The following SH3GL3 variants were observed in gnomAD, a reference collection of about 807,000 sequenced individuals.
SH3GL3 encodes the protein endophilin-A3.
SH3GL3 carries 33 observed loss-of-function variants against 47.7 expected under a neutral mutation model. The ratio of observed to expected loss-of-function variants is 0.69; its 90% CI spans 0.52 to 0.92. SH3GL3 has a LOEUF of 0.92. SH3GL3 is among the 40% of genes least tolerant of loss of function. The pLI, the probability that SH3GL3 is intolerant of heterozygous loss-of-function variation, is 0.00. For missense variants in SH3GL3, 363 were observed against 417.8 expected, an observed-to-expected ratio of 0.87 and a Z score of 1.14; for synonymous variants, 155 against 148.8, an observed-to-expected ratio of 1.04 and a Z score of -0.30.
intron 1 of SH3GL3, among the ~76,000 whole-genome samples, chr15:83,523,408 GGT>G (rs1195750251): frequency 6.6e-6 from 1 of 152,146 alleles, no homozygotes; most frequent in Non-Finnish European, 1.5e-5. Flanking sequence ...GCCCGGGAAG[GGT>G]GTGTGGAGTA....
chr15:83,594,468 T>G (rs2060189971), intron 8 of SH3GL3, among the ~76,000 whole-genome samples: 1 of 152,220 alleles, frequency 6.6e-6, no homozygotes, highest in Non-Finnish European at 1.5e-5. Context: ...CACATTTACT[T>G]TATATAATGA....
intron 1 of SH3GL3, among the ~76,000 whole-genome samples, chr15:83,508,824 G>A (rs112944092): frequency 1.1e-4 from 16 of 152,290 alleles, no homozygotes; most frequent in African/African-American, 3.9e-4. Context: ...TTGATCTCCT[G>A]ACCTCGTGAT....
intron 1 of SH3GL3, among the ~76,000 whole-genome samples, chr15:83,553,296 A>G (rs943537986): frequency 7.9e-5 from 12 of 152,004 alleles, no homozygotes; most frequent in Non-Finnish European, 4.4e-5. Context: ...CCTAGTATGT[A>G]CATTTTGTCT....
At chr15:83,518,358 G>A (rs1431706408) in intron 1 of SH3GL3, among the ~76,000 whole-genome samples, 1 of 152,194 alleles carries the variant, frequency 6.6e-6, no homozygotes, top group Non-Finnish European at 1.5e-5. Context: ...CCCACTAACA[G>A]TGCATAAGTG....
chr15:83,624,466 AAAC>A, the SH3GL3 span, among the ~76,000 whole-genome samples: 2 of 152,348 alleles, frequency 1.3e-5, no homozygotes, highest in East Asian at 1.9e-4. Flanking sequence ...TTCATATGAG[AAAC>A]AACAAGAGAC....
intron 1 of SH3GL3, among the ~76,000 whole-genome samples, chr15:83,506,876 G>T (rs187767775): frequency 6.6e-6 from 1 of 152,120 alleles, no homozygotes; most frequent in East Asian, 1.9e-4. Context: ...GTGGCTGAAG[G>T]CTGGGGAGCA....
chr15:83,568,276 G>A (rs1160843439), intron 3 of SH3GL3, among the ~76,000 whole-genome samples: 5 of 152,044 alleles, frequency 3.3e-5, no homozygotes, highest in East Asian at 1.9e-4. Flanking sequence ...GAGCCACTGC[G>A]CCCAGCCGAT....
At chr15:83,586,548 T>A (rs767400304) in intron 6 of SH3GL3, among the ~76,000 whole-genome samples, 1 of 152,254 alleles carries the variant, frequency 6.6e-6, no homozygotes, top group Non-Finnish European at 1.5e-5. Flanking sequence ...AACTGTTTAA[T>A]GTACTTAATG....
At chr15:83,626,909 A>G in the SH3GL3 span, among the ~76,000 whole-genome samples, 1 of 152,124 alleles carries the variant, frequency 6.6e-6, no homozygotes, top group African/African-American at 2.4e-5. Context: ...CAATTAGGGT[A>G]TTTTTCTCCT....
At chr15:83,539,308 A>G (rs77323288) in intron 1 of SH3GL3, among the ~76,000 whole-genome samples, 73 of 152,286 alleles carry the variant, frequency 4.8e-4, no homozygotes, top group African/African-American at 1.6e-3. Context: ...TGGTTCACAG[A>G]TGGCAGTCTT....
At chr15:83,595,935 G>A (rs1008711956) in intron 8 of SH3GL3, among the ~76,000 whole-genome samples, 1 of 151,958 alleles carries the variant, frequency 6.6e-6, no homozygotes, top group African/African-American at 2.4e-5. Flanking sequence ...ATCTTAAAGA[G>A]CCAGCTCTCT....
At chr15:83,604,268 A>T (rs1389516003) in intron 8 of SH3GL3, among the ~76,000 whole-genome samples, 1 of 152,078 alleles carries the variant, frequency 6.6e-6, no homozygotes, top group Non-Finnish European at 1.5e-5. Flanking sequence ...AGAACCCAGG[A>T]CCCCAGGGCT....
At chr15:83,617,224 G>A (rs1468705135) in intron 8 of SH3GL3, among the ~76,000 whole-genome samples, 2 of 152,088 alleles carry the variant, frequency 1.3e-5, no homozygotes, top group South Asian at 4.1e-4. Flanking sequence ...GTAAATTCTG[G>A]TCTGTAAATA....
At chr15:83,489,273 G>A (rs78922661) in intron 1 of SH3GL3, 49 of 152,258 alleles carry the variant, frequency 3.2e-4, no homozygotes, top group African/African-American at 8.7e-4. Flanking sequence ...ATACCTACAC[G>A]TGAAGAAAAC....
intron 3 of SH3GL3, among the ~76,000 whole-genome samples, chr15:83,567,761 G>A (rs1209630045): frequency 6.6e-6 from 1 of 152,128 alleles, no homozygotes; most frequent in East Asian, 1.9e-4. Context: ...TTGGTTGTTT[G>A]AAATATCCTC....
Position 83,599,708 on chromosome 15 carries a change from C to A in SH3GL3, c.838+10937C>A, listed in dbSNP as rs1013124845. The stretch of plus-strand genomic sequence containing the variant: ...ACTTCTTTTTCCTCTGGGTAGATAC[C>A]CAGTAGTGGGATTGCTGGATCAATG... On this transcript the variant is annotated intron_variant, in intron 8 of 8. Coordinates refer to ENST00000427482, the MANE Select transcript of SH3GL3 (RefSeq NM_003027.5). 2.6e-5 allele frequency among the ~76,000 whole-genome samples: 4 copies of A among 152,196 alleles called. No individual in the cohort carries two copies. In the South Asian group the frequency reaches 8.3e-4, roughly 32 times the overall value.
At chr15:83,458,899 T>C (rs2040133035) in intron 1 of SH3GL3, among the ~76,000 whole-genome samples, 1 of 152,216 alleles carries the variant, frequency 6.6e-6, no homozygotes, top group South Asian at 2.1e-4. Flanking sequence ...AGGGAGTTTA[T>C]TAAGGAGTAT....
Position 83,448,763 on chromosome 15 carries a change from G to A in SH3GL3, c.45+1185G>A, listed in dbSNP as rs547293673. On this transcript the variant is annotated intron_variant, in intron 1 of 8. Transcript: ENST00000427482. The surrounding 1 kb of genome is among the most constrained non-coding windows in gnomAD (Gnocchi z 4.2). Reference sequence around the variant, plus strand: ...CTTCTTCTAGCCCCAGTTCCAGGCTGAAAGGCACTGCTGTCCCCTCACTCA... The same window carrying A: ...CTTCTTCTAGCCCCAGTTCCAGGCTAAAAGGCACTGCTGTCCCCTCACTCA... Among the ~76,000 whole-genome samples the A allele has an allele frequency of 9.2e-5, 14 of 152,198 alleles. No homozygotes were observed. Among genetic ancestry groups the A allele is most frequent in the African/African-American group, 3.4e-4 (14 of 41,522 alleles).
intron 8 of SH3GL3, among the ~76,000 whole-genome samples, chr15:83,603,592 T>C (rs557081286): frequency 1.8e-4 from 27 of 152,268 alleles, no homozygotes; most frequent in Admixed American, 4.6e-4. Context: ...CTTGTTTTCT[T>C]TGGGGTACAG....
Sources: allele counts gnomAD v4.1 joint callset (sites outside exome capture counted in the v4.1 genomes callset), GRCh38; gene constraint gnomAD v4.1.1; non-coding constraint Gnocchi (gnomAD v3.1); transcripts MANE v1.5; gene names NCBI Gene and HGNC (gene_info 2026-07-23, HGNC 2026-07-21).